Variants in FNDC3A observed in about 807,000 individuals in gnomAD.
FNDC3A encodes fibronectin type III domain containing 3A.
Under a neutral mutation model 148.9 loss-of-function variants are expected in FNDC3A, and 32 were observed. The ratio of observed to expected loss-of-function variants is 0.21; its 90% CI spans 0.16 to 0.29. The LOEUF (loss-of-function observed/expected upper bound fraction) is 0.29, where lower values mean the gene tolerates loss of function less well. Ranked by LOEUF, FNDC3A falls within the 10% of genes least tolerant of loss-of-function variation. FNDC3A has a pLI of 1.00. For synonymous variants in FNDC3A, 472 were observed against 473.6 expected (o/e 1.00, Z 0.04); for missense variants, 1,191 against 1,452.8 (o/e 0.82, Z 2.93).
chr13:49,123,523 T>C (rs1881498186), intron 4 of FNDC3A, among the ~76,000 whole-genome samples: 1 of 152,064 alleles, frequency 6.6e-6, no homozygotes, highest in Non-Finnish European at 1.5e-5. Flanking sequence ...AAAGAGCTTC[T>C]TCTGTACAGC....
chr13:49,113,730 A>T (rs1880734662), intron 3 of FNDC3A, among the ~76,000 whole-genome samples: 1 of 152,178 alleles, frequency 6.6e-6, no homozygotes, highest in African/African-American at 2.4e-5. Context: ...GGTTATAAAA[A>T]ACTGGTGGGC....
chr13:49,163,562 G>A (rs2138031845), intron 8 of FNDC3A, among the ~76,000 whole-genome samples: 1 of 152,306 alleles, frequency 6.6e-6, no homozygotes, highest in East Asian at 1.9e-4. Context: ...GCTAGGAAAA[G>A]GAATTCGCTG....
At chr13:49,091,373 G>C (rs1879182422) in intron 3 of FNDC3A, among the ~76,000 whole-genome samples, 1 of 151,522 alleles carries the variant, frequency 6.6e-6, no homozygotes, top group African/African-American at 2.4e-5. Flanking sequence ...CTGGGGCTGT[G>C]AAAGAAAACA....
At chr13:49,013,475 C>T (rs1039229520) in intron 2 of FNDC3A, among the ~76,000 whole-genome samples, 12 of 149,828 alleles carry the variant, frequency 8.0e-5, no homozygotes, top group African/African-American at 1.5e-4. Flanking sequence ...CATATGTACA[C>T]GTGTATACAT....
chr13:49,194,915 T>C (rs1886075750), intron 19 of FNDC3A, among the ~76,000 whole-genome samples: 1 of 152,156 alleles, frequency 6.6e-6, no homozygotes, highest in Admixed American at 6.5e-5. Context: ...AGTGAGCCTA[T>C]CTTCTGTTTA....
chr13:48,999,101 T>G (rs1007305975), intron 1 of FNDC3A, among the ~76,000 whole-genome samples: 8 of 152,122 alleles, frequency 5.3e-5, no homozygotes, highest in African/African-American at 1.9e-4. Flanking sequence ...CAGAGCCTCA[T>G]GGGAAGGTCC....
chr13:49,138,701 A>C (rs753695768), intron 6 of FNDC3A, 46 bp from the exon 7 acceptor site: 55 of 930,544 alleles, frequency 5.9e-5, no homozygotes, highest in Non-Finnish European at 8.5e-5. Context: ...AAGGGATTGT[A>C]TCTAAGTTCT....
chr13:49,107,361 A>G (rs939290452), intron 3 of FNDC3A, among the ~76,000 whole-genome samples: 1 of 152,218 alleles, frequency 6.6e-6, no homozygotes, highest in African/African-American at 2.4e-5. Context: ...TGGGGCAGAA[A>G]AAAAGTGTCA....
chr13:49,160,295 A>G (rs1884011428), intron 8 of FNDC3A, among the ~76,000 whole-genome samples: 1 of 152,036 alleles, frequency 6.6e-6, no homozygotes, highest in Non-Finnish European at 1.5e-5. Flanking sequence ...TCAACTTCAG[A>G]GCCTGTTATT....
chr13:49,200,105 T>G (rs375281541), intron 23 of FNDC3A, among the ~76,000 whole-genome samples: 2 of 152,232 alleles, frequency 1.3e-5, no homozygotes, highest in East Asian at 1.9e-4. Flanking sequence ...AATTTTGCTT[T>G]TCTACTTTTC....
At position 49,077,300 on chromosome 13, in the gene FNDC3A, T is replaced by C. The variant is rs1426725171; in HGVS notation, c.175+1936T>C. On this transcript the variant is annotated intron_variant, in intron 3 of 25. Transcript: ENST00000492622. ...AATAAAATTAAATTTAAAAAGAGCA[T>C]TGGAGATGAGGTGTCTGTATACTTT... Among the ~76,000 whole-genome samples, 4 of 152,218 alleles carry C rather than the reference T, an allele frequency of 2.6e-5. 1 individual carries two copies. The highest frequency in any genetic ancestry group is 2.6e-4 in the Admixed American group (4 of 15,272).
chr13:49,081,266 A>G (rs962736448), intron 3 of FNDC3A, among the ~76,000 whole-genome samples: 5 of 152,210 alleles, frequency 3.3e-5, no homozygotes, highest in African/African-American at 9.6e-5. Flanking sequence ...CCATGCCACT[A>G]CATGTAAGAG....
intron 3 of FNDC3A, chr13:49,110,345 C>G: frequency 6.2e-7 from 1 of 1,605,530 alleles, no homozygotes; most frequent in Non-Finnish European, 8.5e-7. Flanking sequence ...TTAACGTGTA[C>G]TACGCTGTTT....
intron 15 of FNDC3A, among the ~76,000 whole-genome samples, chr13:49,186,696 C>T (rs539014746): frequency 2.6e-5 from 4 of 152,024 alleles, no homozygotes; most frequent in East Asian, 1.9e-4. Flanking sequence ...GGTGAAACCC[C>T]GTCTCTACTA....
At chr13:49,042,058 G>GT (rs1049187044) in intron 2 of FNDC3A, among the ~76,000 whole-genome samples, 3 of 152,116 alleles carry the variant, frequency 2.0e-5, no homozygotes, top group African/African-American at 7.2e-5. Context: ...GTCAGGGAGC[G>GT]TCTTCCTGAG....
chr13:49,195,763 T>C (rs978186699), intron 19 of FNDC3A, among the ~76,000 whole-genome samples: 1 of 152,080 alleles, frequency 6.6e-6, no homozygotes, highest in African/African-American at 2.4e-5. Context: ...TTGAGTTTCT[T>C]AGAGTTTTCG....
In FNDC3A at chr13:49,168,678, G is replaced by T. The variant is rs750723905; in HGVS notation, c.1103G>T (p.Ser368Ile). ...PSEAEIFTTL[S>I]CEPDIPNPPR... ...GAGGCTGAAATCTTTACCACCTTGA[G>T]CTGTGAACCTGATATACCTAATCCA... Residue 368 changes from serine (S) to isoleucine (I), a missense_variant, in exon 10 of 26, where the codon AGC (serine) becomes ATC (isoleucine). By Grantham distance (142) the Ser-to-Ile change is moderately radical. Around this residue, in one of 3 missense-constraint regions of FNDC3A, gnomAD observed 426 missense variants for 473.2 expected, o/e 0.90. Transcript: ENST00000492622. 73 of 1,612,636 alleles carry T rather than the reference G, an allele frequency of 4.5e-5. No individual in the cohort carries two copies. The highest frequency in any genetic ancestry group is 6.2e-5 in the Non-Finnish European group (73 of 1,178,862).
At chr13:49,068,480 A>G (rs948695110) in intron 2 of FNDC3A, among the ~76,000 whole-genome samples, 2 of 152,208 alleles carry the variant, frequency 1.3e-5, no homozygotes, top group Non-Finnish European at 2.9e-5. Context: ...TGTGGAATCA[A>G]CCATTGTGGC....
intron 5 of FNDC3A, among the ~76,000 whole-genome samples, chr13:49,132,999 C>CT (rs1882124281): frequency 6.6e-6 from 1 of 152,166 alleles, no homozygotes; most frequent in African/African-American, 2.4e-5. Flanking sequence ...GTCACTTATG[C>CT]TCAGTACATT....
Sources: allele counts gnomAD v4.1 joint callset (sites outside exome capture counted in the v4.1 genomes callset), GRCh38; gene constraint gnomAD v4.1.1; regional missense constraint gnomAD v4.1.1; transcripts MANE v1.5; gene names NCBI Gene and HGNC (gene_info 2026-07-23, HGNC 2026-07-21).